Variants in DNAJA4 observed in about 807,000 individuals in gnomAD.
DNAJA4 encodes the protein dnaJ homolog subfamily A member 4.
A neutral mutation model predicts 39.7 loss-of-function variants in DNAJA4; 32 were observed. That is an observed-to-expected ratio of 0.81 (90% CI 0.61 to 1.08). The LOEUF (loss-of-function observed/expected upper bound fraction) is 1.08, where lower values mean the gene tolerates loss of function less well. DNAJA4 is among the 50% of genes least tolerant of loss of function. DNAJA4 has a pLI of 0.00. For missense variants in DNAJA4, 439 were observed against 505.1 expected, an observed-to-expected ratio of 0.87 and a Z score of 1.25; for synonymous variants, 184 against 182.4, an observed-to-expected ratio of 1.01 and a Z score of -0.07.
At chr15:78,265,121 T>C (rs1250670270) in intron 1 of DNAJA4, among the ~76,000 whole-genome samples, 2 of 152,072 alleles carry the variant, frequency 1.3e-5, no homozygotes, top group African/African-American at 4.8e-5. Context: ...GGCACTTGGG[T>C]CCCTCGCGAG....
In DNAJA4 at chr15:78,271,591, CAGG is replaced by C. The variant is rs377563168; in HGVS notation, c.313+918_313+920del. Among the ~76,000 whole-genome samples the C allele has an allele frequency of 1.3e-4, 20 of 152,358 alleles. No individual in the cohort carries two copies. In the East Asian group the frequency reaches 3.3e-3, roughly 25 times the overall value. Reference sequence around the variant, plus strand: ...TTATGAGTAGTAGCAACTTCATCCCCAGGAGGTGAATGAGGAACTTCTTAGCCC... The same window carrying C: ...TTATGAGTAGTAGCAACTTCATCCCCAGGTGAATGAGGAACTTCTTAGCCC... On this transcript the variant is annotated intron_variant, in intron 2 of 6. Transcript: ENST00000394852.
chr15:78,276,903 G>A (rs925980909), intron 5 of DNAJA4, among the ~76,000 whole-genome samples: 2 of 152,150 alleles, frequency 1.3e-5, no homozygotes. Flanking sequence ...CTCCTTGTCT[G>A]CTTTTCTCTT....
At chr15:78,277,240 A>C (rs1275900298) in intron 5 of DNAJA4, among the ~76,000 whole-genome samples, 1 of 152,092 alleles carries the variant, frequency 6.6e-6, no homozygotes, top group African/African-American at 2.4e-5. Context: ...GCTGGAGTGC[A>C]GTGGCGTGAT....
At chr15:78,268,794 C>T (rs1205065188) in intron 1 of DNAJA4, among the ~76,000 whole-genome samples, 1 of 152,174 alleles carries the variant, frequency 6.6e-6, no homozygotes, top group Non-Finnish European at 1.5e-5. Context: ...TGGACAAAAC[C>T]CCCCATCTTC....
At position 78,281,234 on chromosome 15, in the gene DNAJA4, C is replaced by T. The variant is rs945565731; in HGVS notation, c.*774C>T. On this transcript the variant is annotated 3_prime_UTR_variant, in exon 7 of 7. Transcript: ENST00000394852. The stretch of plus-strand genomic sequence containing the variant: ...TGACAACTTTTGCAATGCTTTCCCA[C>T]CAAAGTGCTTACTTGTAAAGAAAAC... 1 of 152,658 alleles carries T rather than the reference C, an allele frequency of 6.6e-6. No individual in the cohort carries two copies. Among genetic ancestry groups the T allele is most frequent in the African/African-American group, 2.4e-5 (1 of 41,452 alleles). 9.5% of individuals were successfully genotyped at this position (152,658 alleles called of 1,614,324 possible). A position where few individuals can be genotyped will look rare whatever the true frequency, so the allele number is the denominator to read the frequency against.
Position 78,275,662 on chromosome 15 carries a change from C to G in DNAJA4, c.811C>G (p.Leu271Val), listed in dbSNP as rs1183428146. ...MKMKIQLSEA[L>V]CGFKKTIKTL... ...AATGAAAATTCAGCTTTCTGAAGCT[C>G]TTTGTGGCTTCAAGAAGACGATAAA... The change falls in exon 5 of 7, where the codon CTT (leucine) becomes GTT (valine). Residue 271 changes from leucine to valine, a missense_variant. Leu to Val is a conservative substitution (Grantham distance 32). Transcript: ENST00000394852. 6.2e-7 allele frequency: 1 copy of G among 1,613,930 alleles called. No homozygotes were observed. The highest frequency in any genetic ancestry group is 2.2e-5 in the East Asian group (1 of 44,900).
rs1235721387 is a variant in DNAJA4 at position 78,273,164 on chromosome 15, C to T, written c.383C>T (p.Ala128Val). Residue 128 changes from alanine (A) to valine (V), a missense_variant, in exon 3 of 7, where the codon GCC (alanine) becomes GTC (valine). Ala to Val is a moderately conservative substitution (Grantham distance 64). Coordinates refer to ENST00000394852, the MANE Select transcript of DNAJA4 (RefSeq NM_001130182.2). ...TATAATGGAGTCACGAAGAAATTGG[C>T]CCTCCAGAAAAATGTAATTTGTGAG... ...DLYNGVTKKL[A>V]LQKNVICEKC... The T allele has an allele frequency of 1.2e-6, 2 of 1,603,894 alleles. No homozygotes were observed. The highest frequency in any genetic ancestry group is 1.7e-5 in the Admixed American group (1 of 59,956).
At chr15:78,264,208 A>T (rs904724482), upstream of DNAJA4, 53 of 794,244 alleles carry the variant, frequency 6.7e-5, no homozygotes, top group African/African-American at 9.1e-4. Context: ...CTCTCCAGCC[A>T]GCCGGCTCCA....
chr15:78,276,352 GCA>G (rs1190072666), intron 5 of DNAJA4, among the ~76,000 whole-genome samples: 1 of 152,216 alleles, frequency 6.6e-6, no homozygotes, highest in Non-Finnish European at 1.5e-5. Context: ...TTGCTGGTCT[GCA>G]CACACCCATG....
intron 3 of DNAJA4, among the ~76,000 whole-genome samples, chr15:78,273,883 A>C (rs1279415651): frequency 6.6e-6 from 1 of 152,180 alleles, no homozygotes; most frequent in African/African-American, 2.4e-5. Context: ...CCACAGCCCC[A>C]GCCTCCTCAT....
intron 1 of DNAJA4, chr15:78,270,221 G>A (rs1266679687): frequency 1.7e-5 from 5 of 298,252 alleles, no homozygotes; most frequent in South Asian, 1.4e-4. Flanking sequence ...TGGTGCAGCC[G>A]GATTAGTGAG....
chr15:78,265,239 A>G (rs576293650), intron 1 of DNAJA4, among the ~76,000 whole-genome samples: 2 of 152,192 alleles, frequency 1.3e-5, no homozygotes, highest in Admixed American at 6.5e-5. Flanking sequence ...CCTGTGGGAG[A>G]GGCGGCCTGG....
At position 78,270,589 on chromosome 15, in the gene DNAJA4, A is replaced by T. The variant is rs199980243; in HGVS notation, c.225A>T (p.Gly75=). 4.3e-6 allele frequency: 7 copies of T among 1,614,112 alleles called. No individual in the cohort carries two copies. Among genetic ancestry groups the T allele is most frequent in the Non-Finnish European group, 5.9e-6 (7 of 1,180,038 alleles). Residue 75 remains glycine, a synonymous_variant, in exon 2 of 7, where the codon GGA becomes GGT. Transcript: ENST00000394852. ...GCGGAGAGCAGGCAATTAAAGAAGG[A>T]GGCTCAGGCAGCCCCAGCTTCTCTT... ...DQGGEQAIKE[G]GSGSPSFSSP... is the part of the protein sequence containing the mutation.
chr15:78,264,529 A>G (rs1183911468), upstream of DNAJA4: 35 of 1,229,018 alleles, frequency 2.8e-5, no homozygotes, highest in Non-Finnish European at 3.4e-5. Context: ...GCCGGCGCCG[A>G]ATAAAACCCG....
At position 78,264,818 on chromosome 15, in the gene DNAJA4, C is replaced by G. The variant is rs989382636; in HGVS notation, c.55C>G (p.Pro19Ala). 3.7e-6 allele frequency: 6 copies of G among 1,610,792 alleles called. No individual in the cohort carries two copies. In the African/African-American group the frequency reaches 6.7e-5, roughly 18 times the overall value. The change falls in exon 1 of 7, where the codon CCG (proline) becomes GCG (alanine). Residue 19 changes from proline (P) to alanine (A), a missense_variant. Pro to Ala is a conservative substitution (Grantham distance 27, BLOSUM62 -1). Transcript: ENST00000394852. ...CCTGGGCGTGAAGCCCAGCGCGTCC[C>G]CGGAGGAGATCAAGAAGGCCTATCG... ...DILGVKPSAS[P>A]EEIKKAYRKL...
chr15:78,277,927 GTTTTT>G, intron 5 of DNAJA4: 2 of 392,194 alleles, frequency 5.1e-6, no homozygotes, highest in East Asian at 1.4e-4. Context: ...TTTTTGTTTT[GTTTTT>G]GTTTTTACTT....
intron 1 of DNAJA4, among the ~76,000 whole-genome samples, chr15:78,267,700 A>G (rs1228941399): frequency 6.6e-6 from 1 of 152,048 alleles, no homozygotes; most frequent in Non-Finnish European, 1.5e-5. Flanking sequence ...ACAGAGGGAA[A>G]CCTACCAAGT....
chr15:78,270,863 A>C (rs2049275122), intron 2 of DNAJA4, among the ~76,000 whole-genome samples, 186 bp downstream of exon 2: 1 of 152,012 alleles, frequency 6.6e-6, no homozygotes, highest in African/African-American at 2.4e-5. Flanking sequence ...TTCAAGACCA[A>C]CCGGGGCAAC....
intron 1 of DNAJA4, chr15:78,265,853 A>G (rs536913477): frequency 1.2e-5 from 7 of 606,576 alleles, no homozygotes; most frequent in South Asian, 1.0e-4. Context: ...AACCACACCA[A>G]TCACCCATGT....
Sources: gnomAD v4.1 joint callset for allele counts (sites outside exome capture counted in the v4.1 genomes callset) on GRCh38, gnomAD v4.1.1 for gene constraint, MANE v1.5 for transcripts, NCBI Gene and HGNC (gene_info 2026-07-23, HGNC 2026-07-21) for gene names.